The following NUDT3 variants were observed in gnomAD, a reference collection of about 807,000 sequenced individuals.
NUDT3 encodes the protein diphosphoinositol polyphosphate phosphohydrolase 1.
NUDT3 carries 9 observed loss-of-function variants against 23.6 expected under a neutral mutation model. The ratio of observed to expected loss-of-function variants is 0.38; its 90% CI spans 0.23 to 0.66. The LOEUF is 0.66. NUDT3 is among the 30% of genes least tolerant of loss of function. The pLI, the probability that NUDT3 is intolerant of heterozygous loss-of-function variation, is 0.52. For synonymous variants in NUDT3, 86 were observed against 82.6 expected (o/e 1.04, Z -0.22); for missense variants, 172 against 218.5 (o/e 0.79, Z 1.34).
At chr6:34,349,827 A>T (rs146093742) in intron 1 of NUDT3, among the ~76,000 whole-genome samples, 14,843 of 150,718 alleles carry the variant, frequency 0.098, 1,246 homozygotes, top group Non-Finnish European at 0.12. Flanking sequence ...ACGGTGGCTC[A>T]CGCCTGTAAT....
In NUDT3 at chr6:34,284,158, C is replaced by T. The variant is rs1763309266; in HGVS notation, c.*4595G>A. The T allele has an allele frequency of 6.6e-6, 1 of 152,216 alleles. No homozygotes were observed. Among genetic ancestry groups the T allele is most frequent in the Admixed American group, 6.5e-5 (1 of 15,280 alleles). 9.4% of individuals were successfully genotyped at this position (152,216 alleles called of 1,614,324 possible). ...GCCCACCTCAACTGGGCAGTCTGAC[C>T]TCTTCCACAGTCTTTAAGAAACAGA... On this transcript the variant is annotated 3_prime_UTR_variant, in exon 5 of 5. Coordinates refer to ENST00000607016, the MANE Select transcript of NUDT3 (RefSeq NM_006703.4).
chr6:34,352,762 C>T (rs2113744701), intron 1 of NUDT3, among the ~76,000 whole-genome samples: 1 of 152,288 alleles, frequency 6.6e-6, no homozygotes, highest in African/African-American at 2.4e-5. Flanking sequence ...TGTACACTGT[C>T]ATCTTTATAG....
intron 1 of NUDT3, among the ~76,000 whole-genome samples, chr6:34,364,830 G>A (rs919836021): frequency 6.6e-6 from 1 of 150,644 alleles, no homozygotes; most frequent in Non-Finnish European, 1.5e-5. Flanking sequence ...TCAGGAGATC[G>A]AGACCACAGT....
intron 2 of NUDT3, among the ~76,000 whole-genome samples, chr6:34,318,109 G>A (rs1763888538): frequency 6.6e-6 from 1 of 152,036 alleles, no homozygotes. Flanking sequence ...TCATTTCCTT[G>A]TACCCAAGGA....
intron 2 of NUDT3, among the ~76,000 whole-genome samples, chr6:34,312,880 G>A (rs966528583): frequency 2.6e-5 from 4 of 152,142 alleles, no homozygotes; most frequent in African/African-American, 9.7e-5. Context: ...TAAGGACATG[G>A]AGAGGGCCAG....
intron 1 of NUDT3, among the ~76,000 whole-genome samples, chr6:34,350,694 A>T (rs1479238298): frequency 6.6e-6 from 1 of 150,918 alleles, no homozygotes; most frequent in Non-Finnish European, 1.5e-5. Flanking sequence ...TTAAAAATTT[A>T]AAACTATTTT....
intron 2 of NUDT3, among the ~76,000 whole-genome samples, chr6:34,299,585 C>T (rs936546401): frequency 1.3e-5 from 2 of 149,608 alleles, no homozygotes; most frequent in Admixed American, 6.7e-5. Context: ...CCACCAAGAC[C>T]GGGTATTTTC....
At chr6:34,320,856 C>T (rs929217164) in intron 2 of NUDT3, among the ~76,000 whole-genome samples, 9 of 151,988 alleles carry the variant, frequency 5.9e-5, no homozygotes, top group African/African-American at 2.2e-4. Flanking sequence ...AAATAGTCCA[C>T]ATTAAATATA....
rs185874064 is a variant in NUDT3 at position 34,295,448 on chromosome 6, G to A, written c.255+193C>T. 1.1e-3 allele frequency among the ~76,000 whole-genome samples: 169 copies of A among 152,068 alleles called. 1 individual carries two copies. In the Middle Eastern group the frequency reaches 0.017, roughly 15 times the overall value. ...GATGCAGAAGACTGCTTGAGCCCAG[G>A]AGTTCAAGGCTGCAGTGAGCTATGA... On this transcript the variant is annotated intron_variant, in intron 3 of 4. Coordinates refer to ENST00000607016, the MANE Select transcript of NUDT3 (RefSeq NM_006703.4).
intron 2 of NUDT3, among the ~76,000 whole-genome samples, chr6:34,297,760 A>ATATATATATAT (rs1763535832): frequency 1.9e-5 from 1 of 53,626 alleles, no homozygotes; most frequent in African/African-American, 1.1e-4. Flanking sequence ...TATATATATA[A>ATATATATATAT]TTTTTTTTTT....
At chr6:34,371,978 G>A (rs1764838715) in intron 1 of NUDT3, among the ~76,000 whole-genome samples, 1 of 152,194 alleles carries the variant, frequency 6.6e-6, no homozygotes, top group East Asian at 1.9e-4. Flanking sequence ...CCACCTATAA[G>A]TGAGAACACG....
At chr6:34,361,211 G>A (rs1764646047) in intron 1 of NUDT3, among the ~76,000 whole-genome samples, 2 of 152,172 alleles carry the variant, frequency 1.3e-5, no homozygotes, top group South Asian at 4.1e-4. Context: ...GACAGAGTGA[G>A]ACCCTGTCTC....
At chr6:34,345,363 T>G (rs1764350105) in intron 1 of NUDT3, among the ~76,000 whole-genome samples, 1 of 151,956 alleles carries the variant, frequency 6.6e-6, no homozygotes. Flanking sequence ...CTGTCATTTT[T>G]TAAAAGCTGA....
chr6:34,387,572 C>T (rs538493620), intron 1 of NUDT3, among the ~76,000 whole-genome samples: 1 of 150,894 alleles, frequency 6.6e-6, no homozygotes, highest in African/African-American at 2.4e-5. Context: ...TGGCGGCATA[C>T]ACCAGTTGTC....
chr6:34,299,102 C>T (rs1330995325), intron 2 of NUDT3, among the ~76,000 whole-genome samples: 2 of 152,162 alleles, frequency 1.3e-5, no homozygotes, highest in Non-Finnish European at 2.9e-5. Context: ...CACAAGCAAT[C>T]TGAGAGTGGG....
At chr6:34,310,781 CAAT>C (rs2113709279) in intron 2 of NUDT3, among the ~76,000 whole-genome samples, 1 of 152,244 alleles carries the variant, frequency 6.6e-6, no homozygotes, top group African/African-American at 2.4e-5. Flanking sequence ...TCAAATCCAA[CAAT>C]GTGTAAAAAT....
chr6:34,375,113 T>C (rs1377568903), intron 1 of NUDT3, among the ~76,000 whole-genome samples: 2 of 152,034 alleles, frequency 1.3e-5, no homozygotes, highest in South Asian at 2.1e-4. Flanking sequence ...TTGGCCGAGG[T>C]AGGCGGATCA....
rs1764570742 is a variant in NUDT3 at position 34,356,954 on chromosome 6, T to G, written c.100-14982A>C. Among the ~76,000 whole-genome samples, 3 of 151,952 alleles carry G rather than the reference T, an allele frequency of 2.0e-5. No homozygotes were observed. The South Asian group carries it at 6.2e-4, about 32-fold the overall frequency. The stretch of plus-strand genomic sequence containing the variant: ...CACCATGCCCGGCTAATTTTTTGTA[T>G]TTTTAGTAGAAACAGGGTTTCACCG... On this transcript the variant is annotated intron_variant, in intron 1 of 4. Coordinates refer to ENST00000607016, the MANE Select transcript of NUDT3 (RefSeq NM_006703.4).
At chr6:34,331,465 C>T (rs946535809) in intron 2 of NUDT3, among the ~76,000 whole-genome samples, 1 of 152,060 alleles carries the variant, frequency 6.6e-6, no homozygotes, top group Admixed American at 6.6e-5. Flanking sequence ...AGGAGGGCAG[C>T]AAAGATACAG....
Sources: gnomAD v4.1 joint callset for allele counts (sites outside exome capture counted in the v4.1 genomes callset) on GRCh38, gnomAD v4.1.1 for gene constraint, MANE v1.5 for transcripts, NCBI Gene and HGNC (gene_info 2026-07-23, HGNC 2026-07-21) for gene names.